The following UNC13C variants were observed in gnomAD, a reference collection of about 807,000 sequenced individuals.
UNC13C encodes unc-13 homolog C, also known as protein unc-13 homolog C.
A neutral mutation model predicts 245.4 loss-of-function variants in UNC13C; 174 were observed. The observed-to-expected ratio is 0.71, with a 90% CI of 0.63 to 0.80. The LOEUF (loss-of-function observed/expected upper bound fraction) is 0.80. Ranked by LOEUF, UNC13C falls within the 30% of genes least tolerant of loss-of-function variation. The pLI, the probability that UNC13C is intolerant of heterozygous loss-of-function variation, is 0.00. For synonymous variants in UNC13C, 992 were observed against 895.1 expected (o/e 1.11, Z -1.93); for missense variants, 2,829 against 2,602.9 (o/e 1.09, Z -1.89).
the UNC13C span, among the ~76,000 whole-genome samples, chr15:53,851,534 C>G: frequency 4.6e-5 from 7 of 152,284 alleles, no homozygotes; most frequent in East Asian, 1.4e-3. Flanking sequence ...CTCTCTCTTT[C>G]TCTCTCTGTG....
At chr15:53,890,643 T>C in the UNC13C span, among the ~76,000 whole-genome samples, 145 of 152,368 alleles carry the variant, frequency 9.5e-4, 1 homozygote, top group African/African-American at 3.4e-3. Flanking sequence ...TTTTCTAGTT[T>C]ATTTGCGTAG....
the UNC13C span, among the ~76,000 whole-genome samples, chr15:53,840,727 G>A: frequency 3.9e-5 from 6 of 152,242 alleles, no homozygotes; most frequent in African/African-American, 7.2e-5. Flanking sequence ...GTATCAATGT[G>A]AGCCTTCAAG....
At chr15:53,897,573 C>CCTGG in the UNC13C span, among the ~76,000 whole-genome samples, 2 of 152,192 alleles carry the variant, frequency 1.3e-5, no homozygotes, top group Non-Finnish European at 2.9e-5. Flanking sequence ...TGCCATGGAA[C>CCTGG]CTGGCTATAC....
chr15:54,497,676 G>T (rs556961127), intron 20 of UNC13C, among the ~76,000 whole-genome samples: 2 of 152,192 alleles, frequency 1.3e-5, no homozygotes, highest in South Asian at 4.1e-4. Context: ...GGTCCCCTTT[G>T]TGCCTACTTA....
At chr15:53,995,375 A>C (rs1270324357) in intron 1 of UNC13C, among the ~76,000 whole-genome samples, 2 of 152,098 alleles carry the variant, frequency 1.3e-5, no homozygotes, top group African/African-American at 4.8e-5. Flanking sequence ...TTCAACCTAG[A>C]AATCAATCAG....
intron 2 of UNC13C, among the ~76,000 whole-genome samples, chr15:54,057,477 T>A (rs1458367194): frequency 1.3e-5 from 2 of 151,350 alleles, no homozygotes; most frequent in African/African-American, 4.9e-5. Context: ...CTGAGTGACC[T>A]ACAAAGAGAC....
intron 2 of UNC13C, among the ~76,000 whole-genome samples, chr15:54,107,393 T>C (rs1900500093): frequency 6.6e-6 from 1 of 152,180 alleles, no homozygotes; most frequent in African/African-American, 2.4e-5. Flanking sequence ...GCCAGTGTGT[T>C]GGTTTAGTTT....
intron 4 of UNC13C, among the ~76,000 whole-genome samples, chr15:54,167,804 A>G (rs2033239957): frequency 6.6e-6 from 1 of 152,094 alleles, no homozygotes; most frequent in African/African-American, 2.4e-5. Flanking sequence ...AATCCAATAA[A>G]TTATGGACCA....
intron 28 of UNC13C, among the ~76,000 whole-genome samples, chr15:54,553,572 A>C (rs1338227122): frequency 6.7e-6 from 1 of 148,454 alleles, no homozygotes; most frequent in African/African-American, 2.5e-5. Flanking sequence ...TATTTGACAT[A>C]AAAAAATGCA....
chr15:54,136,808 T>C (rs900851078), intron 2 of UNC13C, among the ~76,000 whole-genome samples: 3 of 151,560 alleles, frequency 2.0e-5, no homozygotes, highest in Non-Finnish European at 4.4e-5. Flanking sequence ...GATCATTATA[T>C]AATTTTCATC....
intron 10 of UNC13C, among the ~76,000 whole-genome samples, chr15:54,268,855 C>A (rs965094532): frequency 6.6e-6 from 1 of 151,880 alleles, no homozygotes. Flanking sequence ...TATGTGCATG[C>A]ACTTATCATT....
intron 4 of UNC13C, among the ~76,000 whole-genome samples, chr15:54,219,213 A>G (rs2035142467): frequency 6.6e-6 from 1 of 152,016 alleles, no homozygotes; most frequent in Non-Finnish European, 1.5e-5. Context: ...ACAAGGCTAC[A>G]GTAACCAAAA....
intron 1 of UNC13C, among the ~76,000 whole-genome samples, chr15:53,988,319 G>C (rs1001929238): frequency 1.3e-5 from 2 of 151,922 alleles, no homozygotes; most frequent in Non-Finnish European, 2.9e-5. Context: ...TAATTTTCTT[G>C]ATATTTGAAA....
In UNC13C at chr15:54,576,694, G is replaced by C. The variant is rs545435316; in HGVS notation, c.6106+8747G>C. On this transcript the variant is annotated intron_variant, in intron 30 of 32. Transcript: ENST00000260323. ...CTGTAGGACATTGCTGCATTGCTCTGTCCTCCCTGTCTCCCTCTTCTCCCC... is the reference window on the plus strand; with the variant it reads ...CTGTAGGACATTGCTGCATTGCTCTCTCCTCCCTGTCTCCCTCTTCTCCCC... 4.6e-5 allele frequency among the ~76,000 whole-genome samples: 7 copies of C among 152,188 alleles called. No individual in the cohort carries two copies. The East Asian group carries it at 9.7e-4, about 21-fold the overall frequency.
chr15:54,169,585 C>G lies in UNC13C; in HGVS notation c.3071+25901C>G, dbSNP rs137995235. ...GACCCAGAAGGCCTGGGCTGCCTCTCCAGCCTCATTTCATGCCTCTCTTTC... is the reference window on the plus strand; with the variant it reads ...GACCCAGAAGGCCTGGGCTGCCTCTGCAGCCTCATTTCATGCCTCTCTTTC... On this transcript the variant is annotated intron_variant, in intron 4 of 32. Coordinates refer to ENST00000260323, the MANE Select transcript of UNC13C (RefSeq NM_001080534.3). 3.3e-5 allele frequency among the ~76,000 whole-genome samples: 5 copies of G among 152,268 alleles called. No individual in the cohort carries two copies. In the East Asian group the frequency reaches 9.7e-4, roughly 29 times the overall value.
the UNC13C span, among the ~76,000 whole-genome samples, chr15:53,900,124 G>A: frequency 7.2e-5 from 11 of 151,900 alleles, no homozygotes; most frequent in African/African-American, 2.2e-4. Context: ...ATATTATTCC[G>A]CAAATAGTAC....
At chr15:54,059,901 A>C (rs1391422663) in intron 2 of UNC13C, among the ~76,000 whole-genome samples, 1 of 152,194 alleles carries the variant, frequency 6.6e-6, no homozygotes, top group Non-Finnish European at 1.5e-5. Context: ...TGCTGGGAAA[A>C]CTGGCTAGCC....
At chr15:54,617,056 ATAGGCTATACCACC>A (rs1308628234) in intron 30 of UNC13C, among the ~76,000 whole-genome samples, 1 of 152,100 alleles carries the variant, frequency 6.6e-6, no homozygotes, top group Non-Finnish European at 1.5e-5. Context: ...TAGAAGTGTC[ATAGGCTATACCACC>A]TAGGTTTGTG....
chr15:54,218,784 T>TTGC (rs1169797956), intron 4 of UNC13C, among the ~76,000 whole-genome samples: 1 of 151,928 alleles, frequency 6.6e-6, no homozygotes, highest in Non-Finnish European at 1.5e-5. Flanking sequence ...AATAGGGCAC[T>TTGC]ATTGATGAGG....
Sources: gnomAD v4.1 joint callset for allele counts (sites outside exome capture counted in the v4.1 genomes callset) on GRCh38, gnomAD v4.1.1 for gene constraint, MANE v1.5 for transcripts, NCBI Gene and HGNC (gene_info 2026-07-23, HGNC 2026-07-21) for gene names.